ACOXL: variants seen among roughly 807,000 people sequenced by gnomAD.
The protein encoded by ACOXL is acyl-CoA oxidase like, also known as acyl-coenzyme A oxidase-like protein.
In ACOXL, 70 loss-of-function variants were observed where a neutral mutation model predicts 71.9. The observed-to-expected ratio is 0.97, with a 90% CI of 0.80 to 1.19. The LOEUF (loss-of-function observed/expected upper bound fraction) is 1.19, where lower values mean the gene tolerates loss of function less well. ACOXL is among the 50% of genes most tolerant of loss of function. The probability of loss-of-function intolerance (pLI) is 0.00; values close to 1 mark genes in which losing one functional copy is unlikely to be tolerated. For missense variants in ACOXL, 703 were observed against 736.3 expected, an observed-to-expected ratio of 0.95 and a Z score of 0.52; for synonymous variants, 253 against 281.6, an observed-to-expected ratio of 0.90 and a Z score of 1.02.
intron 12 of ACOXL, among the ~76,000 whole-genome samples, chr2:110,974,025 T>C (rs1176762074): frequency 6.6e-6 from 1 of 151,648 alleles, no homozygotes; most frequent in Non-Finnish European, 1.5e-5. Flanking sequence ...GGACCCGGAG[T>C]TTTCTGCTGC....
chr2:110,760,220 A>G (rs1190423482), intron 1 of ACOXL, among the ~76,000 whole-genome samples: 1 of 151,420 alleles, frequency 6.6e-6, no homozygotes, highest in African/African-American at 2.4e-5. Flanking sequence ...GCTCACTGCA[A>G]GCTCCACCTC....
At chr2:110,945,706 C>T (rs1364677336) in intron 12 of ACOXL, among the ~76,000 whole-genome samples, 5 of 152,124 alleles carry the variant, frequency 3.3e-5, no homozygotes, top group Admixed American at 1.3e-4. Context: ...GTCTATATGT[C>T]TGTTTTTGTA....
intron 11 of ACOXL, among the ~76,000 whole-genome samples, chr2:110,926,262 T>C (rs1430927644): frequency 6.6e-6 from 1 of 152,256 alleles, no homozygotes; most frequent in Non-Finnish European, 1.5e-5. Flanking sequence ...TCTGATAGAA[T>C]TGCTCAATGC....
intron 12 of ACOXL, among the ~76,000 whole-genome samples, chr2:110,961,098 A>G (rs1418682154): frequency 6.6e-6 from 1 of 152,228 alleles, no homozygotes; most frequent in Non-Finnish European, 1.5e-5. Context: ...GGGAAGCAAC[A>G]TGACAACCAC....
chr2:110,846,789 G>GC (rs1480337961), intron 10 of ACOXL, among the ~76,000 whole-genome samples: 1 of 151,742 alleles, frequency 6.6e-6, no homozygotes, highest in Non-Finnish European at 1.5e-5. Flanking sequence ...GTGTGTGTTG[G>GC]GGGGGGTGTA....
chr2:111,069,349 A>C (rs1165334732), intron 16 of ACOXL, among the ~76,000 whole-genome samples: 1 of 151,688 alleles, frequency 6.6e-6, no homozygotes, highest in Non-Finnish European at 1.5e-5. Context: ...ATGGGGTTTC[A>C]CCATGTTGGC....
chr2:110,792,424 C>T (rs1684761699), intron 3 of ACOXL, among the ~76,000 whole-genome samples: 1 of 151,520 alleles, frequency 6.6e-6, no homozygotes, highest in Admixed American at 6.6e-5. Flanking sequence ...GTTTCTTCTC[C>T]TTCTCCTTCT....
intron 10 of ACOXL, among the ~76,000 whole-genome samples, chr2:110,907,123 G>T (rs1024990672): frequency 6.6e-6 from 1 of 152,224 alleles, no homozygotes; most frequent in Non-Finnish European, 1.5e-5. Flanking sequence ...CAAGTCAAAA[G>T]TCAAGGCACT....
chr2:110,918,618 C>T (rs972171665), intron 11 of ACOXL, among the ~76,000 whole-genome samples: 1 of 152,116 alleles, frequency 6.6e-6, no homozygotes, highest in Non-Finnish European at 1.5e-5. Flanking sequence ...GAACAGGCAA[C>T]CTATATAATG....
chr2:111,017,693 C>T (rs761026533), intron 14 of ACOXL, among the ~76,000 whole-genome samples: 19 of 152,132 alleles, frequency 1.2e-4, no homozygotes, highest in Non-Finnish European at 2.6e-4. Flanking sequence ...CGTGGCTTAG[C>T]GGTGGAGAAC....
chr2:110,819,445 G>A (rs1174804343), intron 9 of ACOXL, among the ~76,000 whole-genome samples: 7 of 152,132 alleles, frequency 4.6e-5, no homozygotes, highest in African/African-American at 1.2e-4. Context: ...GGCACTGACC[G>A]AAGTTGGGGG....
intron 14 of ACOXL, among the ~76,000 whole-genome samples, chr2:111,008,780 T>C (rs1558862173): frequency 6.6e-6 from 1 of 152,216 alleles, no homozygotes; most frequent in Non-Finnish European, 1.5e-5. Flanking sequence ...GAATGTGTTC[T>C]AATATTTTTC....
intron 17 of ACOXL, chr2:111,098,750 C>A (rs1285627438): frequency 6.6e-6 from 1 of 151,966 alleles, no homozygotes; most frequent in Admixed American, 6.6e-5. Context: ...TGAAAGTATT[C>A]CAAAATAAAA....
intron 12 of ACOXL, among the ~76,000 whole-genome samples, chr2:110,943,158 AAAAG>A (rs968854441): frequency 1.1e-4 from 12 of 107,776 alleles, no homozygotes; most frequent in Admixed American, 9.3e-5. Flanking sequence ...AAGAGAAAGA[AAAAG>A]AAAAAGGGAG....
chr2:110,738,430 A>G (rs149890622), intron 1 of ACOXL, among the ~76,000 whole-genome samples: 126 of 152,300 alleles, frequency 8.3e-4, no homozygotes, highest in Non-Finnish European at 1.6e-3. Flanking sequence ...AAAGATTTTC[A>G]TGTCTGAAAA....
At chr2:111,011,348 GAGA>G (rs1232947976) in intron 14 of ACOXL, among the ~76,000 whole-genome samples, 1 of 152,022 alleles carries the variant, frequency 6.6e-6, no homozygotes, top group Non-Finnish European at 1.5e-5. Context: ...AAAATCAAAG[GAGA>G]AGGACTACAA....
Position 110,979,334 on chromosome 2 carries a change from G to C in ACOXL, c.1060-7774G>C, listed in dbSNP as rs560121648. Among the ~76,000 whole-genome samples the C allele has an allele frequency of 7.9e-5, 12 of 152,306 alleles. No homozygotes were observed. In the South Asian group the frequency reaches 2.3e-3, roughly 29 times the overall value. On this transcript the variant is annotated intron_variant, in intron 12 of 17. Transcript: ENST00000439055. Reference sequence around the variant, plus strand: ...AGCGTCCAGTTCCATTGACACTGGAGTGATTTCTGGATTATCTCATCAGTG... The same window carrying C: ...AGCGTCCAGTTCCATTGACACTGGACTGATTTCTGGATTATCTCATCAGTG...
intron 12 of ACOXL, among the ~76,000 whole-genome samples, chr2:110,950,341 T>A (rs1313463577): frequency 6.6e-6 from 1 of 152,224 alleles, no homozygotes; most frequent in Non-Finnish European, 1.5e-5. Context: ...GCAGTAAAAC[T>A]GACCTTCATC....
At position 110,866,820 on chromosome 2, in the gene ACOXL, G is replaced by A. The variant is rs1694644601; in HGVS notation, c.788+25415G>A. 3.3e-5 allele frequency among the ~76,000 whole-genome samples: 5 copies of A among 152,134 alleles called. No homozygotes were observed. The South Asian group carries it at 1.0e-3, about 31-fold the overall frequency. On this transcript the variant is annotated intron_variant, in intron 10 of 17. Transcript: ENST00000439055. ...ATCCACTGACTCACTGAGCATAAAC[G>A]ATGCCCCAAGCACAGCCTGGATGCT...
Sources: gnomAD v4.1 joint callset for allele counts (sites outside exome capture counted in the v4.1 genomes callset) on GRCh38, gnomAD v4.1.1 for gene constraint, MANE v1.5 for transcripts, NCBI Gene and HGNC (gene_info 2026-07-23, HGNC 2026-07-21) for gene names.